C15orf40: variants seen among roughly 807,000 people sequenced by gnomAD.
C15orf40 encodes chromosome 15 open reading frame 40.
In C15orf40, 9 loss-of-function variants were observed where a neutral mutation model predicts 13.9. That is an observed-to-expected ratio of 0.65 (90% confidence interval 0.39 to 1.13). The LOEUF (loss-of-function observed/expected upper bound fraction) is 1.13. Among genes scored for constraint, C15orf40 ranks in the 50% most tolerant of loss-of-function variants. C15orf40 has a pLI of 0.01. For synonymous variants in C15orf40, 95 were observed against 69.2 expected, an observed-to-expected ratio of 1.37 and a Z score of -1.85; for missense variants, 225 against 188.5, an observed-to-expected ratio of 1.19 and a Z score of -1.13.
In C15orf40 at chr15:82,997,629, G is replaced by C. The variant is rs1426007510; in HGVS notation, c.*7968C>G. 1.0e-5 allele frequency: 3 copies of C among 285,764 alleles called. No individual in the cohort carries two copies. Among genetic ancestry groups the C allele is most frequent in the African/African-American group, 2.4e-5 (1 of 41,964 alleles). The allele number at this position is 285,764 out of a possible 1,614,324, so 17.7% of individuals were successfully genotyped here. A position where few individuals can be genotyped will look rare whatever the true frequency, so the allele number is the denominator to read the frequency against. On this transcript the variant is annotated 3_prime_UTR_variant, in exon 4 of 4. Transcript: ENST00000304177. The stretch of plus-strand genomic sequence containing the variant: ...TTCCACACAGACACAGCAACCATCC[G>C]ATCTCTCAATCTTTTCCCCACCTTT...
chr15:82,990,017 C>A (rs1408201977), downstream of C15orf40: 8 of 1,568,008 alleles, frequency 5.1e-6, no homozygotes, highest in Admixed American at 1.4e-4. Context: ...CTATCCCCAG[C>A]AATATGGACA....
At position 82,995,255 on chromosome 15, in the gene C15orf40, A is replaced by G. The variant is rs1237683432; in HGVS notation, c.*10342T>C. On this transcript the variant is annotated 3_prime_UTR_variant, in exon 4 of 4. Transcript: ENST00000304177. ...GGCCAGGCTGGCTGCATGGGTCCCA[A>G]TCAGTGGGGCTGCACTCCATCATGG... 1 of 151,566 alleles carries G rather than the reference A, an allele frequency of 6.6e-6. No homozygotes were observed. Among genetic ancestry groups the G allele is most frequent in the Non-Finnish European group, 1.5e-5 (1 of 68,156 alleles). 9.4% of individuals were successfully genotyped at this position (151,566 alleles called of 1,614,324 possible). A position where few individuals can be genotyped will look rare whatever the true frequency, so the allele number is the denominator to read the frequency against.
At position 83,005,679 on chromosome 15, in the gene C15orf40, C is replaced by T; in HGVS notation, c.380G>A (p.Arg127His). ...AGCCAAAAGCTTCACCACCTTTTCA[C>T]GAGATTTACCACCCTGGACCAAAAG... ...DVVLDKGGKSREKVVKLLAST... is the reference protein window; with the variant it reads ...DVVLDKGGKSHEKVVKLLAST... The change falls in exon 4 of 4, where the codon CGT becomes CAT. Residue 127 changes from arginine to histidine, a missense_variant. Arg to His is a conservative substitution (Grantham distance 29). Transcript: ENST00000304177. 4 of 1,612,324 alleles carry T rather than the reference C, an allele frequency of 2.5e-6. No homozygotes were observed. The highest frequency in any genetic ancestry group is 1.1e-5 in the South Asian group (1 of 90,946).
Position 82,995,914 on chromosome 15 carries a change from T to C in C15orf40, c.*9683A>G, listed in dbSNP as rs982090010. On this transcript the variant is annotated 3_prime_UTR_variant, in exon 4 of 4. Transcript: ENST00000304177. ...CTACCCAGTCAGTCAGGTTCGTATA[T>C]AAGAGTGAGTTATCTGTGGGCTGCT... 2.0e-5 allele frequency: 3 copies of C among 152,286 alleles called. No homozygotes were observed. The highest frequency in any genetic ancestry group is 7.2e-5 in the African/African-American group (3 of 41,472). 9.4% of individuals were successfully genotyped at this position (152,286 alleles called of 1,614,324 possible).
Position 83,004,502 on chromosome 15 carries a change from TTTC to T in C15orf40, c.*1092_*1094del. 1 of 794,264 alleles carries T rather than the reference TTTC, an allele frequency of 1.3e-6. No individual in the cohort carries two copies. Among genetic ancestry groups the T allele is most frequent in the South Asian group, 5.7e-5 (1 of 17,462 alleles). The allele number at this position is 794,264 out of a possible 1,614,324, so 49.2% of individuals were successfully genotyped here. A position where few individuals can be genotyped will look rare whatever the true frequency, so the allele number is the denominator to read the frequency against. On this transcript the variant is annotated 3_prime_UTR_variant, in exon 4 of 4. Coordinates refer to ENST00000304177, the MANE Select transcript of C15orf40 (RefSeq NM_144597.3). ...TTTTGAAACTTTAATATAGATGTAA[TTTC>T]TGACAAGCTTTTACAAATACTGAAA...
chr15:83,010,427 C>A (rs1000448349), intron 1 of C15orf40, 64 bp from the exon 2 acceptor site: 3 of 1,582,990 alleles, frequency 1.9e-6, no homozygotes, highest in Admixed American at 3.3e-5. Flanking sequence ...TAATTTGATT[C>A]TTCCACTACC....
intron 2 of C15orf40, among the ~76,000 whole-genome samples, chr15:83,009,204 C>G (rs533400153): frequency 6.6e-6 from 1 of 152,220 alleles, no homozygotes; most frequent in African/African-American, 2.4e-5. Context: ...AGAGCACTTA[C>G]TATACACCAA....
At chr15:83,011,096 A>G (rs1038783701) in intron 1 of C15orf40, 2 of 173,650 alleles carry the variant, frequency 1.2e-5, no homozygotes, top group Non-Finnish European at 1.2e-5. Context: ...GGAGTGCTGT[A>G]TTCTTGACAG....
chr15:82,989,761 ATG>A, downstream of C15orf40: 1 of 1,258,936 alleles, frequency 7.9e-7, no homozygotes, highest in Non-Finnish European at 1.1e-6. Flanking sequence ...ATTGTGAAAA[ATG>A]TTTTTTAGTC....
At position 82,999,499 on chromosome 15, in the gene C15orf40, C is replaced by T. The variant is rs977536619; in HGVS notation, c.*6098G>A. 1.3e-5 allele frequency: 2 copies of T among 152,140 alleles called. 1 individual carries two copies. Among genetic ancestry groups the T allele is most frequent in the Non-Finnish European group, 2.9e-5 (2 of 68,054 alleles). The allele number at this position is 152,140 out of a possible 1,614,324, so 9.4% of individuals were successfully genotyped here. A position where few individuals can be genotyped will look rare whatever the true frequency, so the allele number is the denominator to read the frequency against. ...GCGTGAGCCAACATGGCCAGCCTTACCTTTTACTTTTAAATTATGTTAGCC... is the reference window on the plus strand; with the variant it reads ...GCGTGAGCCAACATGGCCAGCCTTATCTTTTACTTTTAAATTATGTTAGCC... On this transcript the variant is annotated 3_prime_UTR_variant, in exon 4 of 4. Transcript: ENST00000304177.
Position 83,004,958 on chromosome 15 carries a change from T to C in C15orf40, c.*639A>G, listed in dbSNP as rs1400893217. On this transcript the variant is annotated 3_prime_UTR_variant, in exon 4 of 4. Coordinates refer to ENST00000304177, the MANE Select transcript of C15orf40 (RefSeq NM_144597.3). ...CCAGCTTGCATGGTACAATCTTGAG[T>C]AAGTCTCTCAACTTCTGGATATAGG... The C allele has an allele frequency of 2.3e-6, 3 of 1,287,856 alleles. No individual in the cohort carries two copies. Among genetic ancestry groups the C allele is most frequent in the Non-Finnish European group, 3.1e-6 (3 of 973,986 alleles). 79.8% of individuals were successfully genotyped at this position (1,287,856 alleles called of 1,614,324 possible).
chr15:82,989,860 T>A (rs762120699), downstream of C15orf40: 2 of 1,608,162 alleles, frequency 1.2e-6, no homozygotes, highest in South Asian at 2.2e-5. Flanking sequence ...TTTAAAGATC[T>A]TTTTTGTTTT....
In C15orf40 at chr15:83,003,217, C is replaced by G. The variant is rs2031500182; in HGVS notation, c.*2380G>C. The stretch of plus-strand genomic sequence containing the variant: ...CTCAGCTCACCGCAACCTCCAACTC[C>G]CGGGTTCAAGCGATTCTCCTACCTC... On this transcript the variant is annotated 3_prime_UTR_variant, in exon 4 of 4. Transcript: ENST00000304177. 1 of 151,338 alleles carries G rather than the reference C, an allele frequency of 6.6e-6. No individual in the cohort carries two copies. Among genetic ancestry groups the G allele is most frequent in the Non-Finnish European group, 1.5e-5 (1 of 67,970 alleles). 9.4% of individuals were successfully genotyped at this position (151,338 alleles called of 1,614,324 possible).
chr15:82,991,853 G>GATTAA, downstream of C15orf40: 1 of 1,270,732 alleles, frequency 7.9e-7, no homozygotes, highest in Non-Finnish European at 1.0e-6. Flanking sequence ...TGATACTACA[G>GATTAA]ATATTTAGTC....
chr15:82,993,229 A>G (rs1298615917), downstream of C15orf40, among the ~76,000 whole-genome samples: 1 of 152,220 alleles, frequency 6.6e-6, no homozygotes, highest in East Asian at 1.9e-4. Flanking sequence ...ACTTGAGAAT[A>G]TAGAGTTGTG....
In C15orf40 at chr15:83,010,303, C is replaced by T; in HGVS notation, c.172G>A (p.Asp58Asn). The T allele has an allele frequency of 6.2e-7, 1 of 1,614,230 alleles. No homozygotes were observed. Among genetic ancestry groups the T allele is most frequent in the Non-Finnish European group, 8.5e-7 (1 of 1,180,036 alleles). ...GCTATGGTGACGCATCCTTTAGGAT[C>T]AACTGCCACAGGACCTAAGGGAGGA... ...PLPPLGPVAVDPKGCVTIAIH... is the reference protein window; with the variant it reads ...PLPPLGPVAVNPKGCVTIAIH... Residue 58 changes from aspartate to asparagine, a missense_variant, in exon 2 of 4, where the codon GAT becomes AAT. Physicochemically the swap from Asp to Asn is conservative, Grantham distance 23. Transcript: ENST00000304177.
downstream of C15orf40, chr15:82,989,153 C>T: frequency 6.2e-7 from 1 of 1,613,686 alleles, no homozygotes; most frequent in South Asian, 1.1e-5. Context: ...AATGGAATAG[C>T]AGAGCTGGTG....
chr15:82,989,884 G>T, downstream of C15orf40: 2 of 1,612,816 alleles, frequency 1.2e-6, no homozygotes, highest in Non-Finnish European at 1.7e-6. Context: ...GTTGTAGGTT[G>T]CAAGACAACA....
chr15:82,989,484 T>C (rs1353394674), downstream of C15orf40, among the ~76,000 whole-genome samples: 1 of 152,258 alleles, frequency 6.6e-6, no homozygotes, highest in African/African-American at 2.4e-5. Context: ...TTCTACAGCT[T>C]GTTCAATTCC....
Sources: gnomAD v4.1 joint callset for allele counts (sites outside exome capture counted in the v4.1 genomes callset) on GRCh38, gnomAD v4.1.1 for gene constraint, MANE v1.5 for transcripts, NCBI Gene and HGNC (gene_info 2026-07-23, HGNC 2026-07-21) for gene names.